PCDH15: variants seen among roughly 807,000 people sequenced by gnomAD.
PCDH15 encodes the protein protocadherin related 15.
A neutral mutation model predicts 178.5 loss-of-function variants in PCDH15; 129 were observed. That is an observed-to-expected ratio of 0.72 (90% CI 0.63 to 0.84). The LOEUF is 0.84. Among genes scored for constraint, PCDH15 ranks in the 40% least tolerant of loss-of-function variants. The pLI, the probability that PCDH15 is intolerant of heterozygous loss-of-function variation, is 0.00. For missense variants in PCDH15, 2,230 were observed against 2,099.9 expected (o/e 1.06, Z -1.21); for synonymous variants, 800 against 732.0 (o/e 1.09, Z -1.50).
chr10:54,001,833 A>G (rs1422268053), intron 20 of PCDH15, among the ~76,000 whole-genome samples: 3 of 152,072 alleles, frequency 2.0e-5, no homozygotes, highest in Non-Finnish European at 4.4e-5. Context: ...CAAGAAACAC[A>G]CTTCACCTAT....
intron 35 of PCDH15, among the ~76,000 whole-genome samples, 200 bp downstream of exon 35, chr10:53,816,039 T>C (rs1157341734): frequency 8.5e-5 from 13 of 152,172 alleles, no homozygotes; most frequent in African/African-American, 2.2e-4. Context: ...GGCTAAAAAT[T>C]TGGAAGTTGA....
At chr10:55,067,773 AAC>A (rs1841604528) in intron 2 of PCDH15, among the ~76,000 whole-genome samples, 1 of 151,790 alleles carries the variant, frequency 6.6e-6, no homozygotes, top group South Asian at 2.1e-4. Context: ...TCTTTTTAAT[AAC>A]AGTCATTGCA....
chr10:55,052,246 C>T (rs1841181109), intron 2 of PCDH15, among the ~76,000 whole-genome samples: 1 of 151,708 alleles, frequency 6.6e-6, no homozygotes, highest in Non-Finnish European at 1.5e-5. Context: ...TACCACCACG[C>T]CCAGCTTATT....
intron 2 of PCDH15, chr10:54,568,550 A>G (rs1157501152): frequency 6.6e-6 from 1 of 152,078 alleles, no homozygotes; most frequent in Non-Finnish European, 1.5e-5. Flanking sequence ...GATCTTAAAT[A>G]TTACTGTTCA....
At chr10:55,290,083 C>T (rs1842969893) in intron 1 of PCDH15, among the ~76,000 whole-genome samples, 1 of 151,368 alleles carries the variant, frequency 6.6e-6, no homozygotes, top group African/African-American at 2.4e-5. Context: ...TATAAACTAC[C>T]CAGTCTATGA....
At chr10:55,033,926 A>C (rs1215159509) in intron 2 of PCDH15, among the ~76,000 whole-genome samples, 2 of 152,108 alleles carry the variant, frequency 1.3e-5, no homozygotes, top group Non-Finnish European at 2.9e-5. Flanking sequence ...TCTTTATTAA[A>C]GGGCTTGATG....
intron 2 of PCDH15, among the ~76,000 whole-genome samples, chr10:55,340,069 A>T (rs1844509795): frequency 6.6e-6 from 1 of 151,720 alleles, no homozygotes; most frequent in Admixed American, 6.6e-5. Flanking sequence ...TTAAATTTCC[A>T]TTTAGTATTA....
At chr10:54,096,268 C>T (rs987248719) in intron 15 of PCDH15, among the ~76,000 whole-genome samples, 1 of 151,762 alleles carries the variant, frequency 6.6e-6, no homozygotes, top group African/African-American at 2.4e-5. Context: ...CCCAGTATCC[C>T]TTTTGATTGG....
chr10:53,987,202 CTTTATAA>C (rs2091166922), intron 21 of PCDH15, among the ~76,000 whole-genome samples: 1 of 151,954 alleles, frequency 6.6e-6, no homozygotes, highest in South Asian at 2.1e-4. Context: ...TGGCTTCACA[CTTTATAA>C]TTTATTAAAT....
chr10:54,474,885 C>CTT (rs2078171593), intron 3 of PCDH15, among the ~76,000 whole-genome samples: 6 of 151,840 alleles, frequency 4.0e-5, no homozygotes, highest in Admixed American at 3.9e-4. Context: ...TATATCAATA[C>CTT]AAATGTTACA....
intron 1 of PCDH15, among the ~76,000 whole-genome samples, chr10:54,762,270 T>G (rs1294476874): frequency 6.6e-6 from 1 of 152,122 alleles, no homozygotes; most frequent in African/African-American, 2.4e-5. Flanking sequence ...ATATAAATAC[T>G]TCAAGAAAAA....
intron 3 of PCDH15, among the ~76,000 whole-genome samples, chr10:54,869,934 C>A (rs1954006494): frequency 6.6e-6 from 1 of 152,154 alleles, no homozygotes; most frequent in African/African-American, 2.4e-5. Context: ...AATACTCCAT[C>A]CGCTTGAAAA....
At chr10:54,400,853 GAA>G (rs1023118499) in intron 3 of PCDH15, among the ~76,000 whole-genome samples, 3 of 151,702 alleles carry the variant, frequency 2.0e-5, no homozygotes, top group African/African-American at 4.8e-5. Flanking sequence ...AGAGGAGAGA[GAA>G]AGAGAGAGAA....
rs1591453282 is a variant in PCDH15 at position 54,257,400 on chromosome 10, C to A, written c.877-20469G>T. Among the ~76,000 whole-genome samples, 3 of 68,822 alleles carry A rather than the reference C, an allele frequency of 4.4e-5. No homozygotes were observed. In the South Asian group the frequency reaches 1.1e-3, roughly 24 times the overall value. The allele number at this position is 68,822 out of a possible 152,430, so 45.1% of individuals were successfully genotyped here. A position where few individuals can be genotyped will look rare whatever the true frequency, so the allele number is the denominator to read the frequency against. ...AGCTGTGTGAAATAAAGAGAATTGT[C>A]TTCTTTTTTTTTTTTTTTTTGTCAA... is the stretch of plus-strand genomic sequence containing the variant. On this transcript the variant is annotated intron_variant, in intron 8 of 37. Coordinates refer to ENST00000644397, the MANE Select transcript of PCDH15 (RefSeq NM_001384140.1).
chr10:54,097,906 GAT>G, intron 15 of PCDH15, among the ~76,000 whole-genome samples: 1 of 152,220 alleles, frequency 6.6e-6, no homozygotes, highest in South Asian at 2.1e-4. Context: ...AGACTGCAAG[GAT>G]AAACTAAGTC....
chr10:54,425,854 A>G (rs948178578), intron 3 of PCDH15, among the ~76,000 whole-genome samples: 9 of 152,186 alleles, frequency 5.9e-5, no homozygotes, highest in African/African-American at 1.9e-4. Context: ...TGATTTAGAA[A>G]ATGAAGTATT....
At chr10:54,138,881 G>T (rs2043124261) in intron 14 of PCDH15, among the ~76,000 whole-genome samples, 1 of 151,940 alleles carries the variant, frequency 6.6e-6, no homozygotes, top group Admixed American at 6.6e-5. Flanking sequence ...CGTCTTAATG[G>T]TTTATGTATG....
intron 18 of PCDH15, among the ~76,000 whole-genome samples, chr10:54,048,062 A>G (rs746303685): frequency 6.6e-6 from 1 of 152,058 alleles, no homozygotes; most frequent in Non-Finnish European, 1.5e-5. Flanking sequence ...ACACCTTTGC[A>G]AACATCTGTT....
chr10:55,088,112 A>G (rs1399398070), intron 2 of PCDH15, among the ~76,000 whole-genome samples: 1 of 152,020 alleles, frequency 6.6e-6, no homozygotes, highest in African/African-American at 2.4e-5. Flanking sequence ...CACATAAACT[A>G]CTCTTGTGTT....
Sources: allele counts gnomAD v4.1 joint callset (sites outside exome capture counted in the v4.1 genomes callset), GRCh38; gene constraint gnomAD v4.1.1; transcripts MANE v1.5; gene names NCBI Gene and HGNC (gene_info 2026-07-23, HGNC 2026-07-21).